Variants in RGS6 observed in about 807,000 individuals in gnomAD.
RGS6 encodes the protein regulator of G protein signaling 6.
Under a neutral mutation model 78.5 loss-of-function variants are expected in RGS6, and 30 were observed. That is an observed-to-expected ratio of 0.38 (90% CI 0.29 to 0.52). The LOEUF (loss-of-function observed/expected upper bound fraction) is 0.52, where lower values mean the gene tolerates loss of function less well. Ranked by LOEUF, RGS6 falls within the 20% of genes least tolerant of loss-of-function variation. The probability of loss-of-function intolerance (pLI) is 0.85; values close to 1 mark genes in which losing one functional copy is unlikely to be tolerated. For missense variants in RGS6, 495 were observed against 609.7 expected, an observed-to-expected ratio of 0.81 and a Z score of 1.98; for synonymous variants, 206 against 206.0, an observed-to-expected ratio of 1.00 and a Z score of 0.00.
intron 6 of RGS6, among the ~76,000 whole-genome samples, chr14:72,460,685 C>T (rs1263408294): frequency 1.3e-5 from 2 of 152,142 alleles, no homozygotes; most frequent in Non-Finnish European, 2.9e-5. Flanking sequence ...CTGTGGCAGT[C>T]TCATCTGTGG....
intron 13 of RGS6, among the ~76,000 whole-genome samples, chr14:72,499,948 T>C (rs1254791539): frequency 4.6e-5 from 7 of 152,224 alleles, no homozygotes; most frequent in African/African-American, 1.7e-4. Context: ...GGGCACCGTG[T>C]GGGCTGGAGG....
intron 2 of RGS6, among the ~76,000 whole-genome samples, chr14:72,241,715 A>G (rs140987477): frequency 1.3e-5 from 2 of 152,338 alleles, no homozygotes; most frequent in East Asian, 3.9e-4. Flanking sequence ...AGCTCTTTAA[A>G]TAAATATTTG....
At chr14:72,614,499 G>A in the RGS6 span, among the ~76,000 whole-genome samples, 1 of 151,990 alleles carries the variant, frequency 6.6e-6, no homozygotes, top group Non-Finnish European at 1.5e-5. Context: ...CCTGGGCTTG[G>A]GGGACAGGGG....
chr14:71,949,855 GGT>G (rs1211299546), intron 1 of RGS6, among the ~76,000 whole-genome samples: 1 of 147,332 alleles, frequency 6.8e-6, no homozygotes, highest in Admixed American at 6.9e-5. Context: ...TGTTGTTTGT[GGT>G]GTGATAAAGG....
chr14:72,428,847 G>C (rs1394467549), intron 3 of RGS6, among the ~76,000 whole-genome samples: 2 of 152,194 alleles, frequency 1.3e-5, no homozygotes, highest in Admixed American at 6.5e-5. Flanking sequence ...TTGTCAACTG[G>C]ATGAGGTCTT....
At chr14:72,354,281 C>A (rs938325646) in intron 3 of RGS6, among the ~76,000 whole-genome samples, 11 of 151,930 alleles carry the variant, frequency 7.2e-5, no homozygotes, top group Non-Finnish European at 1.0e-4. Context: ...AGAGCCCATT[C>A]CAGGTTGTAG....
chr14:71,917,256 G>A, the RGS6 span, among the ~76,000 whole-genome samples: 1 of 152,088 alleles, frequency 6.6e-6, no homozygotes, highest in Non-Finnish European at 1.5e-5. Context: ...GTGGGGTGAC[G>A]GTATATGGGT....
At chr14:72,445,657 T>A (rs1847803074) in intron 3 of RGS6, among the ~76,000 whole-genome samples, 1 of 152,194 alleles carries the variant, frequency 6.6e-6, no homozygotes. Flanking sequence ...TGTGGGTGTT[T>A]ATGTATTATG....
intron 2 of RGS6, among the ~76,000 whole-genome samples, chr14:72,038,729 C>A (rs565363196): frequency 6.6e-6 from 1 of 152,154 alleles, no homozygotes; most frequent in Admixed American, 6.6e-5. Flanking sequence ...ATTGCTAACA[C>A]ATAAAAATAT....
intron 2 of RGS6, among the ~76,000 whole-genome samples, chr14:72,028,057 G>T (rs1356595954): frequency 6.6e-6 from 1 of 152,218 alleles, no homozygotes; most frequent in Non-Finnish European, 1.5e-5. Flanking sequence ...TGCTGACACT[G>T]ATATTGGATT....
chr14:72,426,475 C>G (rs2094439075), intron 3 of RGS6, among the ~76,000 whole-genome samples: 1 of 152,192 alleles, frequency 6.6e-6, no homozygotes, highest in African/African-American at 2.4e-5. Context: ...TGGCATTACT[C>G]CATCTGATTG....
intron 2 of RGS6, among the ~76,000 whole-genome samples, chr14:72,187,274 G>A (rs1027236573): frequency 7.2e-5 from 11 of 152,212 alleles, no homozygotes; most frequent in Admixed American, 5.2e-4. Flanking sequence ...GCACTTGGCT[G>A]TGTATAACTA....
At position 71,994,697 on chromosome 14, in the gene RGS6, G is replaced by A. The variant is rs1388322696; in HGVS notation, c.84+29822G>A. Among the ~76,000 whole-genome samples, 16 of 152,120 alleles carry A rather than the reference G, an allele frequency of 1.1e-4. No homozygotes were observed. In the South Asian group the frequency reaches 1.2e-3, roughly 12 times the overall value. ...CTGGAAATTTGGGCTTGCACCCACC[G>A]AGAACATTGTGGAAAGATTGGAATG... On this transcript the variant is annotated intron_variant, in intron 2 of 17. Coordinates refer to ENST00000553525, the MANE Select transcript of RGS6 (RefSeq NM_001204424.2).
intron 2 of RGS6, among the ~76,000 whole-genome samples, chr14:72,216,433 G>T (rs892911733): frequency 3.9e-5 from 6 of 152,170 alleles, no homozygotes; most frequent in African/African-American, 1.2e-4. Flanking sequence ...CAAATGTAAG[G>T]CACCGCACCA....
chr14:72,389,207 T>C (rs2089242156), intron 3 of RGS6, among the ~76,000 whole-genome samples: 1 of 152,170 alleles, frequency 6.6e-6, no homozygotes, highest in Non-Finnish European at 1.5e-5. Flanking sequence ...GGAGCGGTGC[T>C]AATTGTCCCT....
chr14:72,310,348 C>A (rs1418268882), intron 2 of RGS6, among the ~76,000 whole-genome samples: 1 of 152,192 alleles, frequency 6.6e-6, no homozygotes, highest in African/African-American at 2.4e-5. Context: ...TTAAACTGTT[C>A]ATTTTAAGAG....
At chr14:72,489,322 G>T (rs1256197256) in intron 12 of RGS6, among the ~76,000 whole-genome samples, 1 of 152,182 alleles carries the variant, frequency 6.6e-6, no homozygotes, top group African/African-American at 2.4e-5. Flanking sequence ...TCTGCTGCTG[G>T]CTTGTCTTTG....
chr14:72,002,465 C>T (rs1210425516), intron 2 of RGS6, among the ~76,000 whole-genome samples: 2 of 152,054 alleles, frequency 1.3e-5, no homozygotes, highest in South Asian at 2.1e-4. Flanking sequence ...TCTGGTAGTA[C>T]GTTGATTGTG....
At chr14:72,588,845 G>A in the RGS6 span, among the ~76,000 whole-genome samples, 1 of 152,190 alleles carries the variant, frequency 6.6e-6, no homozygotes, top group African/African-American at 2.4e-5. Context: ...GAAGAAAGGA[G>A]TGTGCAGGAG....
Sources: allele counts gnomAD v4.1 joint callset (sites outside exome capture counted in the v4.1 genomes callset), GRCh38; gene constraint gnomAD v4.1.1; transcripts MANE v1.5; gene names NCBI Gene and HGNC (gene_info 2026-07-23, HGNC 2026-07-21).